The following AGRN variants were observed in gnomAD, a reference collection of about 807,000 sequenced individuals.
The protein encoded by AGRN is agrin proteoglycan.
In AGRN, 106 loss-of-function variants were observed where a neutral mutation model predicts 211.0. That is an observed-to-expected ratio of 0.50 (90% confidence interval 0.43 to 0.59). The LOEUF is 0.59. Ranked by LOEUF, AGRN falls within the 20% of genes least tolerant of loss-of-function variation. AGRN has a pLI of 0.00. For synonymous variants in AGRN, 1,525 were observed against 1,332.5 expected (o/e 1.14, Z -3.15); for missense variants, 3,040 against 2,982.6 (o/e 1.02, Z -0.45).
At position 1,041,729 on chromosome 1, in the gene AGRN, C is replaced by G. The variant is rs372563032; in HGVS notation, c.1177+27C>G. 6.0e-4 allele frequency: 938 copies of G among 1,564,240 alleles called. 11 individuals are homozygous for G. In the African/African-American group the frequency reaches 0.012, roughly 20 times the overall value. ...TGAGCGGCTCCCCCGGGGGAGGGCT[C>G]CGGCCAGTGCCAGGGTCGAGGTGGG... On this transcript the variant is annotated intron_variant, in intron 6 of 35. Coordinates refer to ENST00000379370, the MANE Select transcript of AGRN (RefSeq NM_198576.4).
Position 1,045,343 on chromosome 1 carries a change from T to C in AGRN, c.2372-16T>C, listed in dbSNP as rs771946761. On this transcript the variant is annotated splice_polypyrimidine_tract_variant and intron_variant, in intron 13 of 35. Coordinates refer to ENST00000379370, the MANE Select transcript of AGRN (RefSeq NM_198576.4). The stretch of plus-strand genomic sequence containing the variant: ...GCTGTGCGGCCACGTGACCTTGTCC[T>C]GCCCTGGCCTTTCAGGTGCCTGCCA... 1 of 1,611,962 alleles carries C rather than the reference T, an allele frequency of 6.2e-7. No individual in the cohort carries two copies.
rs765711667 is a variant in AGRN at position 1,046,597 on chromosome 1, G to A, written c.3112G>A (p.Val1038Met). The change falls in exon 18 of 36, where the codon GTG becomes ATG. Residue 1038 changes from valine (V) to methionine (M), a missense_variant. By Grantham distance (21) the Val-to-Met change is conservative. Transcript: ENST00000379370. The stretch of plus-strand genomic sequence containing the variant: ...CGTCCCCAGGACCACCGTGTGGCCC[G>A]TGCTGACGGTGCCCCCCACGGCACC... ...ASVPRTTVWP[V>M]LTVPPTAPSP... 2.9e-5 allele frequency: 47 copies of A among 1,605,668 alleles called. No homozygotes were observed. The East Asian group carries it at 3.8e-4, about 13-fold the overall frequency.
intron 12 of AGRN, among the ~76,000 whole-genome samples, 177 bp downstream of exon 12, chr1:1,044,616 C>T (rs1286133824): frequency 1.3e-5 from 2 of 152,038 alleles, no homozygotes; most frequent in African/African-American, 4.8e-5. Context: ...CGTGTGTGGG[C>T]GTGTGTGTCC....
In AGRN at chr1:1,028,484, G is replaced by A. The variant is rs4617343; in HGVS notation, c.463+6022G>A. ...TGTGTGCGGTGCATGGGCCAAGGGC[G>A]CCCACACCCACGCCACCCTTTCCGA... On this transcript the variant is annotated intron_variant, in intron 2 of 35. Coordinates refer to ENST00000379370, the MANE Select transcript of AGRN (RefSeq NM_198576.4). Among the ~76,000 whole-genome samples, 194 of 151,110 alleles carry A rather than the reference G, an allele frequency of 1.3e-3. 3 individuals are homozygous for A. The highest frequency in any genetic ancestry group is 4.5e-3 in the African/African-American group (187 of 41,250).
At chr1:1,035,151 G>A (rs927870233) in intron 2 of AGRN, 126 bp from the exon 3 acceptor site, 1 of 1,111,856 alleles carries the variant, frequency 9.0e-7, no homozygotes, top group African/African-American at 1.7e-5. Context: ...CAGCAGCCTG[G>A]ATCCCTGGGG....
In AGRN at chr1:1,048,392, C is replaced by A; in HGVS notation, c.4105+27C>A. Reference sequence around the variant, plus strand: ...TAAGGATGTCCACTGCAGAGGAGGGCGGGGAGGCAGCAGGGTGGGGGCAAG... The same window carrying A: ...TAAGGATGTCCACTGCAGAGGAGGGAGGGGAGGCAGCAGGGTGGGGGCAAG... On this transcript the variant is annotated intron_variant, in intron 23 of 35. Transcript: ENST00000379370. The surrounding 1 kb of genome is among the most constrained non-coding windows in gnomAD (Gnocchi z 5.9). 1.3e-6 allele frequency: 1 copy of A among 795,900 alleles called. No individual in the cohort carries two copies. 49.3% of individuals were successfully genotyped at this position (795,900 alleles called of 1,614,324 possible).
rs1645103988 is a variant in AGRN, at chr1:1,046,627, C to T, written c.3142C>T (p.Pro1048Ser). Residue 1048 changes from proline (P) to serine (S), a missense_variant, in exon 18 of 36, where the codon CCT becomes TCT. Physicochemically the swap from Pro to Ser is moderately conservative, Grantham distance 74. Around this residue, in one of 3 missense-constraint regions of AGRN, gnomAD observed 1,537 missense variants for 1,505.0 expected, o/e 1.02. Coordinates refer to ENST00000379370, the MANE Select transcript of AGRN (RefSeq NM_198576.4). ...VLTVPPTAPS[P>S]APSLVASAFG... ...GACGGTGCCCCCCACGGCACCCTCC[C>T]CTGCACCCAGCCTGGTGGCGTCCGC... is the stretch of plus-strand genomic sequence containing the variant. The T allele has an allele frequency of 6.2e-7, 1 of 1,601,796 alleles. No homozygotes were observed. Among genetic ancestry groups the T allele is most frequent in the Non-Finnish European group, 8.5e-7 (1 of 1,179,022 alleles).
rs115191992 is a variant in AGRN, at chr1:1,043,476, G to A, written c.1603+19G>A. On this transcript the variant is annotated intron_variant, in intron 8 of 35. Coordinates refer to ENST00000379370, the MANE Select transcript of AGRN (RefSeq NM_198576.4). The stretch of plus-strand genomic sequence containing the variant: ...CCCTGTGGTCAGTGGCGGGTGAGGG[G>A]TCTGGTGGGGGTCGGGGAGAGAGAG... 6.0e-3 allele frequency: 9,579 copies of A among 1,599,186 alleles called. 37 individuals are homozygous for A. Among genetic ancestry groups the A allele is most frequent in the African/African-American group, 0.011 (814 of 74,922 alleles).
chr1:1,051,027 G>A (rs1346977282), intron 30 of AGRN, 190 bp downstream of exon 30: 3 of 1,549,144 alleles, frequency 1.9e-6, no homozygotes, highest in Non-Finnish European at 2.6e-6. Context: ...CTCTTCGGAG[G>A]CCAGAAATCC....
At chr1:1,046,133 C>T (rs570038696) in intron 16 of AGRN, 27 bp from the exon 17 acceptor site, 1 of 1,613,952 alleles carries the variant, frequency 6.2e-7, no homozygotes, top group East Asian at 2.2e-5. Context: ...GAGGCCTCGC[C>T]TTGAACATCC....
At chr1:1,037,512 C>A (rs542025046) in intron 3 of AGRN, among the ~76,000 whole-genome samples, 1 of 152,304 alleles carries the variant, frequency 6.6e-6, no homozygotes, top group South Asian at 2.1e-4. Flanking sequence ...TAAATATACC[C>A]GCTCCTATAA....
At position 1,049,659 on chromosome 1, in the gene AGRN, G is replaced by A. The variant is rs570277565; in HGVS notation, c.4608G>A (p.Pro1536=). 48 of 1,580,744 alleles carry A rather than the reference G, an allele frequency of 3.0e-5. No individual in the cohort carries two copies. The highest frequency in any genetic ancestry group is 2.8e-4 in the East Asian group (12 of 43,316). Residue 1536 remains proline, a synonymous_variant, in exon 26 of 36, where the codon CCG becomes CCA. Transcript: ENST00000379370. ...NNQRLELGIG[P]GAATRGSGVG... is the part of the protein sequence containing the mutation. Reference sequence around the variant, plus strand: ...AGCGCCTGGAGCTTGGCATTGGGCCGGGGGCTGCCACCCGAGGCTCTGGCG... The same window carrying A: ...AGCGCCTGGAGCTTGGCATTGGGCCAGGGGCTGCCACCCGAGGCTCTGGCG...
At chr1:1,025,887 G>A (rs1036349420) in intron 2 of AGRN, among the ~76,000 whole-genome samples, 1 of 152,192 alleles carries the variant, frequency 6.6e-6, no homozygotes, top group Non-Finnish European at 1.5e-5. Flanking sequence ...TCCCAACCCC[G>A]GGGCTCCTGG....
rs1366634074 is a variant in AGRN, at chr1:1,043,952, G to C, written c.1928G>C (p.Cys643Ser). The change falls in exon 10 of 36, where the codon TGC (cysteine) becomes TCC (serine). Residue 643 changes from cysteine (C) to serine (S), a missense_variant. By Grantham distance (112) the Cys-to-Ser change is moderately radical (BLOSUM62 -1). Transcript: ENST00000379370. ...GACGGTGTCACCTACGGCAGTGCCT[G>C]CGAGCTACGGGAAGCCGCCTGCCTC... Reference protein sequence around the residue: ...GSDGVTYGSACELREAACLQQ... With the variant: ...GSDGVTYGSASELREAACLQQ... 6.2e-7 allele frequency: 1 copy of C among 1,606,352 alleles called. No individual in the cohort carries two copies. Among genetic ancestry groups the C allele is most frequent in the Non-Finnish European group, 8.5e-7 (1 of 1,178,814 alleles).
Position 1,050,543 on chromosome 1 carries a change from G to A in AGRN, c.5093G>A (p.Arg1698His), listed in dbSNP as rs551658645. Residue 1698 changes from arginine to histidine, a missense_variant, in exon 29 of 36, where the codon CGC becomes CAC. By Grantham distance (29) the Arg-to-His change is conservative (BLOSUM62 0). Around this residue, in one of 3 missense-constraint regions of AGRN, gnomAD observed 1,537 missense variants for 1,505.0 expected, o/e 1.02. Transcript: ENST00000379370. ...GDFVSLALRD[R>H]RLEFRYDLGK... ...TTCGTGTCGCTGGCACTGCGGGACCGCCGCCTGGAGTTCCGCTACGACCTG... is the reference window on the plus strand; with the variant it reads ...TTCGTGTCGCTGGCACTGCGGGACCACCGCCTGGAGTTCCGCTACGACCTG... 46 of 1,612,430 alleles carry A rather than the reference G, an allele frequency of 2.9e-5. No individual in the cohort carries two copies. The highest frequency in any genetic ancestry group is 1.6e-4 in the Middle Eastern group (1 of 6,076).
At chr1:1,026,626 G>A (rs986212204) in intron 2 of AGRN, among the ~76,000 whole-genome samples, 1 of 152,062 alleles carries the variant, frequency 6.6e-6, no homozygotes, top group African/African-American at 2.4e-5. Flanking sequence ...GGGCAGGAAC[G>A]GACCCCCTCC....
Position 1,047,556 on chromosome 1 carries a change from C to T in AGRN, c.3517-17C>T, listed in dbSNP as rs2100664448. 6.2e-7 allele frequency: 1 copy of T among 1,612,566 alleles called. No homozygotes were observed. The highest frequency in any genetic ancestry group is 1.1e-5 in the South Asian group (1 of 91,064). On this transcript the variant is annotated splice_polypyrimidine_tract_variant and intron_variant, in intron 20 of 35. Coordinates refer to ENST00000379370, the MANE Select transcript of AGRN (RefSeq NM_198576.4). ...GCTTGGGCGGCCCCCCAAGTCCTTGCCTACTCCCTGCCACAGCTGGACGAC... is the reference window on the plus strand; with the variant it reads ...GCTTGGGCGGCCCCCCAAGTCCTTGTCTACTCCCTGCCACAGCTGGACGAC...
intron 3 of AGRN, among the ~76,000 whole-genome samples, chr1:1,040,443 T>A (rs1644899659): frequency 6.6e-6 from 1 of 151,994 alleles, no homozygotes; most frequent in Non-Finnish European, 1.5e-5. Flanking sequence ...AGGTCATCCC[T>A]GGAGAGGCCC....
rs538293035 is a variant in AGRN at position 1,051,638 on chromosome 1, C to T, written c.5556C>T (p.Cys1852=). ...LCPGGFSGPH[C]EKGLVEKSAG... is the part of the protein sequence containing the mutation. ...CCGGGGGATTCTCAGGACCGCACTGCGAGAAGGGTGAGCCTGGCACAGGGC... is the reference window on the plus strand; with the variant it reads ...CCGGGGGATTCTCAGGACCGCACTGTGAGAAGGGTGAGCCTGGCACAGGGC... The change falls in exon 32 of 36, where the codon TGC becomes TGT. Residue 1852 remains cysteine (C), a synonymous_variant. Coordinates refer to ENST00000379370, the MANE Select transcript of AGRN (RefSeq NM_198576.4). 2.5e-5 allele frequency: 40 copies of T among 1,611,916 alleles called. 1 individual carries two copies. The Middle Eastern group carries it at 6.6e-4, about 27-fold the overall frequency.
Sources: allele counts gnomAD v4.1 joint callset (sites outside exome capture counted in the v4.1 genomes callset), GRCh38; gene constraint gnomAD v4.1.1; regional missense constraint gnomAD v4.1.1; non-coding constraint Gnocchi (gnomAD v3.1); transcripts MANE v1.5; gene names NCBI Gene and HGNC (gene_info 2026-07-23, HGNC 2026-07-21).